NAV1: variants seen among roughly 807,000 people sequenced by gnomAD.
The protein encoded by NAV1 is neuron navigator 1.
NAV1 carries 18 observed loss-of-function variants against 175.2 expected under a neutral mutation model. The observed-to-expected ratio is 0.10, with a 90% CI of 0.07 to 0.15. NAV1 has a LOEUF of 0.15. NAV1 is among the 10% of genes least tolerant of loss of function. The probability of loss-of-function intolerance (pLI) is 1.00; values close to 1 mark genes in which losing one functional copy is unlikely to be tolerated. For synonymous variants in NAV1, 897 were observed against 978.7 expected, an observed-to-expected ratio of 0.92 and a Z score of 1.56; for missense variants, 1,731 against 2,436.6, an observed-to-expected ratio of 0.71 and a Z score of 6.10.
intron 1 of NAV1, among the ~76,000 whole-genome samples, chr1:201,689,353 G>T (rs1670808935): frequency 6.6e-6 from 1 of 152,214 alleles, no homozygotes; most frequent in Non-Finnish European, 1.5e-5. Context: ...TTCCCAGGGG[G>T]AAGTAGCTGG....
At chr1:201,665,627 G>A (rs570306510) in intron 1 of NAV1, among the ~76,000 whole-genome samples, 67 of 83,196 alleles carry the variant, frequency 8.1e-4, no homozygotes, top group African/African-American at 3.3e-3. Context: ...AGGTCAGCTG[G>A]ATCACCTTCA....
chr1:201,698,709 C>G (rs561860543), intron 1 of NAV1, among the ~76,000 whole-genome samples: 4 of 152,282 alleles, frequency 2.6e-5, no homozygotes, highest in Admixed American at 2.6e-4. Context: ...AGATAAGGTG[C>G]CTTTTGTCAC....
chr1:201,602,754 G>A (rs1167279264), intron 2 of NAV1, among the ~76,000 whole-genome samples: 1 of 150,786 alleles, frequency 6.6e-6, no homozygotes, highest in Non-Finnish European at 1.5e-5. Flanking sequence ...GCTGCTCTTG[G>A]CTGGGGCATG....
At chr1:201,557,100 C>T (rs1444898442) in intron 1 of NAV1, among the ~76,000 whole-genome samples, 1 of 131,514 alleles carries the variant, frequency 7.6e-6, no homozygotes, top group Non-Finnish European at 1.7e-5. Context: ...TAGGGAAGTC[C>T]AGTTTGGTGT....
intron 3 of NAV1, among the ~76,000 whole-genome samples, chr1:201,756,263 G>A (rs1023168057): frequency 1.1e-4 from 16 of 152,092 alleles, no homozygotes; most frequent in African/African-American, 3.4e-4. Flanking sequence ...ATAATGCAGA[G>A]CCTATATAAA....
rs544304717 is a variant in NAV1, at chr1:201,635,630, C to G, written c.4+6123C>G. On this transcript the variant is annotated intron_variant, in intron 2 of 29. Coordinates refer to the NAV1 transcript ENST00000367302. Reference sequence around the variant, plus strand: ...GCAACAGCAGTCTGTGGGCCACCCCCCTTCGCCCTGAGTGCTTGAATAGAT... The same window carrying G: ...GCAACAGCAGTCTGTGGGCCACCCCGCTTCGCCCTGAGTGCTTGAATAGAT... Among the ~76,000 whole-genome samples the G allele has an allele frequency of 2.7e-4, 41 of 152,316 alleles. 1 individual carries two copies. The highest frequency in any genetic ancestry group is 2.5e-4 in the Non-Finnish European group (17 of 68,034).
At chr1:201,592,619 G>A (rs1487091253) in intron 2 of NAV1, among the ~76,000 whole-genome samples, 2 of 152,132 alleles carry the variant, frequency 1.3e-5, no homozygotes, top group African/African-American at 2.4e-5. Context: ...GGGGGCCCTG[G>A]CACAGAAGGC....
chr1:201,616,998 C>A (rs1412951219), intron 2 of NAV1, among the ~76,000 whole-genome samples: 2 of 152,110 alleles, frequency 1.3e-5, no homozygotes, highest in Non-Finnish European at 2.9e-5. Context: ...TTTGTAAGTG[C>A]AATGTTCTTT....
intron 9 of NAV1, 129 bp downstream of exon 13, chr1:201,786,706 G>A (rs1676775131): frequency 2.3e-6 from 2 of 888,710 alleles, no homozygotes; most frequent in East Asian, 2.7e-5. Flanking sequence ...GTTTCATGGT[G>A]CCTCAGTTTA....
chr1:201,717,249 A>C (rs1402783423), intron 2 of NAV1, among the ~76,000 whole-genome samples: 1 of 152,228 alleles, frequency 6.6e-6, no homozygotes, highest in African/African-American at 2.4e-5. Flanking sequence ...CAGAGCAGTG[A>C]TTGCTTGGGC....
rs543857355 is a variant in NAV1, at chr1:201,549,499, G to A, written c.-144+10157G>A. The stretch of plus-strand genomic sequence containing the variant: ...TCTGGGATTACAGGCATGCGCCAAC[G>A]CGCCTGGCCTTCTGGCTTCTAAATA... On this transcript the variant is annotated intron_variant, in intron 1 of 33. Coordinates refer to the NAV1 transcript ENST00000685211. 5.3e-5 allele frequency among the ~76,000 whole-genome samples: 8 copies of A among 152,326 alleles called. No individual in the cohort carries two copies. The East Asian group carries it at 5.8e-4, about 11-fold the overall frequency.
chr1:201,788,715 C>T lies in NAV1; in HGVS notation c.3166+77C>T. The stretch of plus-strand genomic sequence containing the variant: ...CCTCACCCACCACCTCCACTCCCAC[C>T]ACTCCTACCACCACACACATATATG... On this transcript the variant is annotated intron_variant, in intron 10 of 29. Transcript: ENST00000367296. The surrounding 1 kb of genome is among the most constrained non-coding windows in gnomAD (Gnocchi z 5.7). The T allele has an allele frequency of 7.1e-7, 1 of 1,405,174 alleles. No individual in the cohort carries two copies. 87.0% of individuals were successfully genotyped at this position (1,405,174 alleles called of 1,614,324 possible). A position where few individuals can be genotyped will look rare whatever the true frequency, so the allele number is the denominator to read the frequency against.
At chr1:201,667,075 A>T (rs1022058068) in intron 1 of NAV1, among the ~76,000 whole-genome samples, 2 of 75,734 alleles carry the variant, frequency 2.6e-5, no homozygotes, top group Admixed American at 3.7e-4. Context: ...TCTGATTTTA[A>T]TGGCAAGCCA....
At chr1:201,583,895 A>T (rs1415013073) in intron 1 of NAV1, among the ~76,000 whole-genome samples, 3 of 152,196 alleles carry the variant, frequency 2.0e-5, no homozygotes, top group Non-Finnish European at 4.4e-5. Flanking sequence ...ACTTGGATTG[A>T]GTAGAATGTA....
At chr1:201,667,963 C>T (rs1047590418) in intron 1 of NAV1, among the ~76,000 whole-genome samples, 7 of 152,168 alleles carry the variant, frequency 4.6e-5, no homozygotes, top group Admixed American at 6.5e-5. Flanking sequence ...TCTCACTGGC[C>T]AGAGTCCCAT....
intron 2 of NAV1, among the ~76,000 whole-genome samples, chr1:201,597,195 G>A (rs1216361127): frequency 2.6e-5 from 4 of 152,178 alleles, no homozygotes; most frequent in Non-Finnish European, 4.4e-5. Flanking sequence ...TAGGGAAATG[G>A]TCACTGAGGA....
rs151187246 is a variant in NAV1, at chr1:201,709,637, G to A, written c.758-3180G>A. ...GGGCTGAGCCTTGGAGAAGCAGAGCGGCATACCCATGATGGCCACCAGGGG... is the reference window on the plus strand; with the variant it reads ...GGGCTGAGCCTTGGAGAAGCAGAGCAGCATACCCATGATGGCCACCAGGGG... On this transcript the variant is annotated intron_variant, in intron 1 of 29. Transcript: ENST00000367296. Among the ~76,000 whole-genome samples, 282 of 152,288 alleles carry A rather than the reference G, an allele frequency of 1.9e-3. 1 individual carries two copies. Among genetic ancestry groups the A allele is most frequent in the Middle Eastern group, 3.4e-3 (1 of 294 alleles).
rs1671076248 is a variant in NAV1 at position 201,693,993 on chromosome 1, T to C, written c.758-18824T>C. Among the ~76,000 whole-genome samples the C allele has an allele frequency of 2.0e-5, 3 of 152,180 alleles. 1 individual carries two copies. The South Asian group carries it at 6.2e-4, about 32-fold the overall frequency. On this transcript the variant is annotated intron_variant, in intron 1 of 29. Coordinates refer to ENST00000367296, the Ensembl canonical transcript of NAV1. ...CATCCCCCGGCCTCCAGCCAGGGCTTGGTGCTCCTGTACAAAATTCTGTCT... is the reference window on the plus strand; with the variant it reads ...CATCCCCCGGCCTCCAGCCAGGGCTCGGTGCTCCTGTACAAAATTCTGTCT...
intron 3 of NAV1, among the ~76,000 whole-genome samples, chr1:201,729,885 G>A (rs772335151): frequency 1.3e-5 from 2 of 152,072 alleles, no homozygotes; most frequent in Non-Finnish European, 2.9e-5. Context: ...CAGCCTGGGC[G>A]ACAGAGCAAA....
Sources: gnomAD v4.1 joint callset for allele counts (sites outside exome capture counted in the v4.1 genomes callset) on GRCh38, gnomAD v4.1.1 for gene constraint, Gnocchi (gnomAD v3.1) non-coding constraint, MANE v1.5 for transcripts, NCBI Gene and HGNC (gene_info 2026-07-23, HGNC 2026-07-21) for gene names.